Variants in LGR5 observed in about 807,000 individuals in gnomAD.
LGR5 encodes the protein leucine-rich repeat-containing G protein-coupled receptor 5.
LGR5 carries 54 observed loss-of-function variants against 76.7 expected under a neutral mutation model. That is an observed-to-expected ratio of 0.70 (90% confidence interval 0.57 to 0.88). LGR5 has a LOEUF of 0.88. Among genes scored for constraint, LGR5 ranks in the 40% least tolerant of loss-of-function variants. The pLI is 0.00. For synonymous variants in LGR5, 406 were observed against 421.9 expected, an observed-to-expected ratio of 0.96 and a Z score of 0.46; for missense variants, 1,078 against 1,073.3, an observed-to-expected ratio of 1.00 and a Z score of -0.06.
At chr12:71,484,575 C>A (rs1264272063) in intron 1 of LGR5, among the ~76,000 whole-genome samples, 2 of 152,130 alleles carry the variant, frequency 1.3e-5, no homozygotes, top group African/African-American at 4.8e-5. Flanking sequence ...AGTGCATAAA[C>A]CTTTGTGCCC....
chr12:71,516,268 T>C (rs1875431139), intron 2 of LGR5, among the ~76,000 whole-genome samples: 1 of 151,950 alleles, frequency 6.6e-6, no homozygotes, highest in South Asian at 2.1e-4. Flanking sequence ...ACTTGTGTTG[T>C]CTCACAGCAA....
At chr12:71,487,508 G>A (rs1416982589) in intron 1 of LGR5, among the ~76,000 whole-genome samples, 4 of 152,064 alleles carry the variant, frequency 2.6e-5, no homozygotes, top group Non-Finnish European at 4.4e-5. Flanking sequence ...TCAAACTCCT[G>A]GGCTCAAGCA....
chr12:71,548,369 A>G (rs1207324229), intron 4 of LGR5, among the ~76,000 whole-genome samples: 1 of 151,656 alleles, frequency 6.6e-6, no homozygotes, highest in African/African-American at 2.4e-5. Context: ...GTAAAGGCTG[A>G]AAAAATAAGG....
chr12:71,572,314 C>T (rs1236822455), intron 12 of LGR5, among the ~76,000 whole-genome samples: 1 of 152,126 alleles, frequency 6.6e-6, no homozygotes, highest in African/African-American at 2.4e-5. Context: ...GAACTCCTGA[C>T]CTCATGACCT....
intron 1 of LGR5, among the ~76,000 whole-genome samples, chr12:71,471,643 T>G (rs1037064612): frequency 5.2e-5 from 6 of 116,216 alleles, no homozygotes; most frequent in Non-Finnish European, 1.1e-4. Context: ...GCTGTTTTGT[T>G]TTTTTTTTTT....
intron 1 of LGR5, among the ~76,000 whole-genome samples, chr12:71,475,627 C>T (rs1001464201): frequency 9.2e-5 from 14 of 152,294 alleles, no homozygotes; most frequent in African/African-American, 2.6e-4. Flanking sequence ...ACCAGAAATG[C>T]TTTTCCTTCT....
intron 15 of LGR5, 29 bp downstream of exon 15, chr12:71,578,958 A>C: frequency 1.3e-6 from 2 of 1,571,242 alleles, no homozygotes; most frequent in Non-Finnish European, 1.7e-6. Flanking sequence ...CTAATAAGAT[A>C]CATTTGTGGT....
chr12:71,512,920 G>A (rs192240476), intron 2 of LGR5, among the ~76,000 whole-genome samples: 2 of 152,320 alleles, frequency 1.3e-5, no homozygotes, highest in African/African-American at 4.8e-5. Context: ...AGAGGTGATG[G>A]TTGAAGGTGC....
intron 4 of LGR5, among the ~76,000 whole-genome samples, chr12:71,550,752 A>G (rs1279844917): frequency 6.6e-6 from 1 of 152,128 alleles, no homozygotes; most frequent in South Asian, 2.1e-4. Flanking sequence ...GTGTGAGCCA[A>G]CGGGCCCAGC....
chr12:71,537,538 G>A (rs557222937), intron 4 of LGR5, among the ~76,000 whole-genome samples: 7 of 152,184 alleles, frequency 4.6e-5, no homozygotes, highest in African/African-American at 1.7e-4. Flanking sequence ...CACCAACTCT[G>A]CAGATACCAT....
chr12:71,475,205 A>G (rs745310734), intron 1 of LGR5, among the ~76,000 whole-genome samples: 2 of 152,208 alleles, frequency 1.3e-5, no homozygotes, highest in Non-Finnish European at 2.9e-5. Context: ...CAAAATTAAT[A>G]TGGAATAATG....
intron 4 of LGR5, 39 bp downstream of exon 4, chr12:71,535,225 A>T (rs780606631): frequency 5.3e-6 from 7 of 1,328,852 alleles, no homozygotes; most frequent in Non-Finnish European, 7.6e-6. Context: ...TTTAAGATCA[A>T]TTTGGGAAGA....
At chr12:71,546,038 A>G (rs1877140507) in intron 4 of LGR5, among the ~76,000 whole-genome samples, 1 of 152,206 alleles carries the variant, frequency 6.6e-6, no homozygotes, top group South Asian at 2.1e-4. Context: ...TTGCCTGAAC[A>G]TAAAAGATTA....
rs763505434 is a variant in LGR5 at position 71,582,464 on chromosome 12, G to A, written c.1561G>A (p.Asp521Asn). The A allele has an allele frequency of 1.9e-6, 3 of 1,613,974 alleles. No homozygotes were observed. The highest frequency in any genetic ancestry group is 2.2e-5 in the South Asian group (2 of 91,056). Reference sequence around the variant, plus strand: ...GACTTCTTGTGCTGCAGATGAACGTGACCTTGAAGATTTCCTGCTTGACTT... The same window carrying A: ...GACTTCTTGTGCTGCAGATGAACGTAACCTTGAAGATTTCCTGCTTGACTT... ...AGMFQAQDER[D>N]LEDFLLDFEE... The change falls in exon 17 of 18, where the codon GAC (aspartate) becomes AAC (asparagine). Residue 521 changes from aspartate to asparagine, a missense_variant. Asp to Asn is a conservative substitution (Grantham distance 23). Coordinates refer to ENST00000266674, the MANE Select transcript of LGR5 (RefSeq NM_003667.4).
intron 1 of LGR5, among the ~76,000 whole-genome samples, chr12:71,453,399 T>G (rs1401333713): frequency 6.6e-6 from 1 of 152,014 alleles, no homozygotes; most frequent in African/African-American, 2.4e-5. Context: ...AGTCTACTCC[T>G]CAGATAGAAT....
Position 71,439,853 on chromosome 12 carries a change from T to C in LGR5, c.-228T>C. ...CAAGGCGCACCGCCACTGTCGCCGC[T>C]GCAGCCAGGGCTGCTCCGAAGGCCG... is the stretch of plus-strand genomic sequence containing the variant. On this transcript the variant is annotated 5_prime_UTR_variant, in exon 1 of 18. Transcript: ENST00000266674. The C allele has an allele frequency of 2.0e-6, 1 of 500,354 alleles. No homozygotes were observed. The highest frequency in any genetic ancestry group is 3.5e-6 in the Non-Finnish European group (1 of 286,614). The allele number at this position is 500,354 out of a possible 1,614,324, so 31.0% of individuals were successfully genotyped here.
At chr12:71,527,080 G>A (rs957979901) in intron 3 of LGR5, among the ~76,000 whole-genome samples, 2 of 152,032 alleles carry the variant, frequency 1.3e-5, no homozygotes, top group Non-Finnish European at 2.9e-5. Flanking sequence ...AGGAGTCAAG[G>A]AAAAGATGTA....
intron 1 of LGR5, among the ~76,000 whole-genome samples, chr12:71,490,116 T>A (rs1323116560): frequency 4.6e-5 from 6 of 130,522 alleles, no homozygotes; most frequent in Non-Finnish European, 8.1e-5. Flanking sequence ...GGCAACAGAT[T>A]GAGACCCAGC....
chr12:71,509,438 C>A (rs892411185), intron 2 of LGR5, among the ~76,000 whole-genome samples: 1 of 152,142 alleles, frequency 6.6e-6, no homozygotes, highest in African/African-American at 2.4e-5. Flanking sequence ...TGGATATAGG[C>A]AACGATTGCA....
Sources: gnomAD v4.1 joint callset for allele counts (sites outside exome capture counted in the v4.1 genomes callset) on GRCh38, gnomAD v4.1.1 for gene constraint, MANE v1.5 for transcripts, NCBI Gene and HGNC (gene_info 2026-07-23, HGNC 2026-07-21) for gene names.